DIAPH3: variants seen among roughly 807,000 people sequenced by gnomAD.
DIAPH3 encodes diaphanous related formin 3, also known as protein diaphanous homolog 3.
Under a neutral mutation model 144.3 loss-of-function variants are expected in DIAPH3, and 117 were observed. The observed-to-expected ratio is 0.81, with a 90% confidence interval of 0.70 to 0.95. The LOEUF (loss-of-function observed/expected upper bound fraction) is 0.95. Among genes scored for constraint, DIAPH3 ranks in the 40% least tolerant of loss-of-function variants. DIAPH3 has a pLI of 0.00. For synonymous variants in DIAPH3, 519 were observed against 488.9 expected, an observed-to-expected ratio of 1.06 and a Z score of -0.81; for missense variants, 1,421 against 1,412.7, an observed-to-expected ratio of 1.01 and a Z score of -0.09.
At chr13:59,683,659 A>T (rs117434916) in intron 27 of DIAPH3, among the ~76,000 whole-genome samples, 2 of 152,286 alleles carry the variant, frequency 1.3e-5, no homozygotes, top group Non-Finnish European at 2.9e-5. Context: ...GCAGCATACG[A>T]AAAAGGAAAT....
chr13:60,093,505 T>C, intron 4 of DIAPH3, 123 bp downstream of exon 4: 6 of 673,472 alleles, frequency 8.9e-6, no homozygotes, highest in Non-Finnish European at 2.7e-6. Flanking sequence ...TGCCCTTAAT[T>C]ATACATTCAG....
At chr13:59,691,288 GAGA>G (rs1253119477) in intron 27 of DIAPH3, among the ~76,000 whole-genome samples, 4 of 152,146 alleles carry the variant, frequency 2.6e-5, no homozygotes, top group Non-Finnish European at 5.9e-5. Context: ...CTGCATGAGA[GAGA>G]AGAATTTCTG....
At chr13:59,904,654 AT>A (rs1490884868) in intron 20 of DIAPH3, among the ~76,000 whole-genome samples, 4 of 152,176 alleles carry the variant, frequency 2.6e-5, no homozygotes, top group Admixed American at 2.0e-4. Context: ...CTAAAAAAAA[AT>A]CACATCTCTA....
At chr13:59,890,578 T>C (rs980325619) in intron 20 of DIAPH3, among the ~76,000 whole-genome samples, 2 of 152,016 alleles carry the variant, frequency 1.3e-5, no homozygotes, top group Non-Finnish European at 2.9e-5. Flanking sequence ...AATTTCCGTT[T>C]TTAAAATACA....
intron 4 of DIAPH3, among the ~76,000 whole-genome samples, chr13:60,082,286 A>C (rs2057585467): frequency 6.6e-6 from 1 of 151,800 alleles, no homozygotes; most frequent in African/African-American, 2.4e-5. Context: ...ATAAGATAAA[A>C]AGCATTTGGG....
chr13:59,828,426 A>G (rs1420124107), intron 24 of DIAPH3, among the ~76,000 whole-genome samples: 1 of 151,896 alleles, frequency 6.6e-6, no homozygotes, highest in African/African-American at 2.4e-5. Flanking sequence ...CTCTCTAGTA[A>G]GTTATCAAAA....
chr13:60,025,675 A>G (rs139716454), intron 5 of DIAPH3, among the ~76,000 whole-genome samples: 156 of 152,290 alleles, frequency 1.0e-3, no homozygotes, highest in East Asian at 1.3e-3. Context: ...AATGAATTCA[A>G]CAACAATTTA....
At chr13:59,784,634 C>T (rs553151410) in intron 25 of DIAPH3, among the ~76,000 whole-genome samples, 1 of 152,206 alleles carries the variant, frequency 6.6e-6, no homozygotes, top group East Asian at 1.9e-4. Context: ...GCTTCGGCCT[C>T]CCAAAGTGTT....
At chr13:59,847,965 A>G (rs537849118) in intron 22 of DIAPH3, among the ~76,000 whole-genome samples, 1 of 152,294 alleles carries the variant, frequency 6.6e-6, no homozygotes, top group East Asian at 1.9e-4. Context: ...ACTTGCCCCT[A>G]CATCGCAGTA....
chr13:59,697,043 T>C (rs2033836281), intron 27 of DIAPH3, among the ~76,000 whole-genome samples: 2 of 152,074 alleles, frequency 1.3e-5, no homozygotes, highest in Admixed American at 6.5e-5. Flanking sequence ...TTGAGGGCTT[T>C]ATAACCTAAT....
intron 27 of DIAPH3, among the ~76,000 whole-genome samples, chr13:59,767,741 A>G (rs913744087): frequency 8.5e-5 from 13 of 152,138 alleles, no homozygotes; most frequent in African/African-American, 3.1e-4. Flanking sequence ...TCCTTATACA[A>G]TACAGTTCTT....
chr13:59,748,988 T>C (rs1461933192), intron 27 of DIAPH3, among the ~76,000 whole-genome samples: 5 of 151,830 alleles, frequency 3.3e-5, no homozygotes, highest in African/African-American at 1.2e-4. Flanking sequence ...CCGAGGTGTG[T>C]GGATTACTTG....
intron 17 of DIAPH3, among the ~76,000 whole-genome samples, chr13:59,965,826 C>T (rs1187850198): frequency 6.6e-6 from 1 of 152,078 alleles, no homozygotes; most frequent in Non-Finnish European, 1.5e-5. Flanking sequence ...CTGCCTTATT[C>T]ATGCTGGTAT....
In DIAPH3 at chr13:59,994,002, A is replaced by C. The variant is rs558740367; in HGVS notation, c.1015-1419T>G. ...AGTAGCAAAAACAAGGAACACAAAA[A>C]CTAGCAGCAAATATTACCTAAATGG... On this transcript the variant is annotated intron_variant, in intron 9 of 27. Transcript: ENST00000400324. 3.3e-4 allele frequency among the ~76,000 whole-genome samples: 50 copies of C among 152,004 alleles called. No individual in the cohort carries two copies. The South Asian group carries it at 3.3e-3, about 10-fold the overall frequency.
intron 24 of DIAPH3, among the ~76,000 whole-genome samples, chr13:59,831,305 A>T (rs371760835): frequency 6.6e-6 from 1 of 151,892 alleles, no homozygotes; most frequent in Admixed American, 6.6e-5. Flanking sequence ...CATAGAACTC[A>T]GAAAAGCCAT....
intron 2 of DIAPH3, among the ~76,000 whole-genome samples, chr13:60,127,863 T>G (rs1044565608): frequency 6.6e-6 from 1 of 152,170 alleles, no homozygotes; most frequent in Non-Finnish European, 1.5e-5. Flanking sequence ...ACTGGTACAA[T>G]ATAATGCACG....
At chr13:60,007,804 T>C (rs1487845041) in intron 9 of DIAPH3, among the ~76,000 whole-genome samples, 1 of 152,220 alleles carries the variant, frequency 6.6e-6, no homozygotes, top group Non-Finnish European at 1.5e-5. Flanking sequence ...TTTAGCAGTA[T>C]TTTTGGAAAC....
intron 25 of DIAPH3, among the ~76,000 whole-genome samples, chr13:59,785,854 T>C (rs926095695): frequency 2.0e-5 from 3 of 152,242 alleles, no homozygotes; most frequent in Non-Finnish European, 4.4e-5. Flanking sequence ...TGATAACCAC[T>C]CTTCCTCTTC....
At chr13:59,949,661 C>T (rs889589175) in intron 17 of DIAPH3, among the ~76,000 whole-genome samples, 5 of 152,118 alleles carry the variant, frequency 3.3e-5, no homozygotes, top group African/African-American at 1.2e-4. Flanking sequence ...GTAGCTGTGA[C>T]AGAGACCATA....
Sources: allele counts gnomAD v4.1 joint callset (sites outside exome capture counted in the v4.1 genomes callset), GRCh38; gene constraint gnomAD v4.1.1; transcripts MANE v1.5; gene names NCBI Gene and HGNC (gene_info 2026-07-23, HGNC 2026-07-21).